SORCS2: variants seen among roughly 807,000 people sequenced by gnomAD.
SORCS2 encodes sortilin related VPS10 domain containing receptor 2, also known as VPS10 domain-containing receptor SorCS2.
A neutral mutation model predicts 141.6 loss-of-function variants in SORCS2; 100 were observed. The observed-to-expected ratio is 0.71, with a 90% confidence interval of 0.60 to 0.83. SORCS2 has a LOEUF of 0.83. Among genes scored for constraint, SORCS2 ranks in the 40% least tolerant of loss-of-function variants. The pLI is 0.00. For missense variants in SORCS2, 1,646 were observed against 1,560.2 expected (o/e 1.05, Z -0.93); for synonymous variants, 789 against 676.9 (o/e 1.17, Z -2.57).
At chr4:7,433,673 G>A (rs1199692180) in intron 2 of SORCS2, 3 of 1,610,026 alleles carry the variant, frequency 1.9e-6, no homozygotes, top group African/African-American at 1.3e-5. Context: ...GACACCGTGA[G>A]CAGCCTCTTG....
intron 1 of SORCS2, among the ~76,000 whole-genome samples, chr4:7,200,111 C>G (rs1043032004): frequency 6.6e-6 from 1 of 152,110 alleles, no homozygotes; most frequent in African/African-American, 2.4e-5. Flanking sequence ...CCTGATCCCC[C>G]CTCGCTGGAA....
chr4:7,505,872 G>A (rs1732247449), intron 2 of SORCS2, among the ~76,000 whole-genome samples: 1 of 152,230 alleles, frequency 6.6e-6, no homozygotes, highest in African/African-American at 2.4e-5. Flanking sequence ...TGAAGATTCA[G>A]TGGCAGTCGA....
intron 1 of SORCS2, among the ~76,000 whole-genome samples, chr4:7,372,193 G>A (rs981961424): frequency 7.2e-5 from 11 of 152,220 alleles, no homozygotes; most frequent in Admixed American, 2.0e-4. Context: ...TGTGAATCTG[G>A]TGTTTATAAG....
intron 1 of SORCS2, among the ~76,000 whole-genome samples, chr4:7,369,869 G>A (rs146196084): frequency 1.4e-4 from 21 of 152,276 alleles, no homozygotes; most frequent in South Asian, 8.3e-4. Flanking sequence ...ACCCACTTCC[G>A]GAGCTTTCGC....
chr4:7,450,452 T>A (rs1034787172), intron 2 of SORCS2, among the ~76,000 whole-genome samples: 8 of 152,326 alleles, frequency 5.3e-5, no homozygotes, highest in Admixed American at 1.3e-4. Context: ...CCCATCATCT[T>A]TGTGTCTGCT....
chr4:7,449,691 T>C (rs1385057067), intron 2 of SORCS2, among the ~76,000 whole-genome samples: 1 of 152,034 alleles, frequency 6.6e-6, no homozygotes. Context: ...CATCCTCCTC[T>C]TCCATGTTGG....
Position 7,654,344 on chromosome 4 carries a change from C to T in SORCS2, c.887+137C>T, listed in dbSNP as rs149708802. The T allele has an allele frequency of 2.3e-4, 191 of 824,160 alleles. 2 individuals are homozygous for T. In the East Asian group the frequency reaches 4.3e-3, roughly 19 times the overall value. 51.1% of individuals were successfully genotyped at this position (824,160 alleles called of 1,614,324 possible). ...CCCCATCCCGGGGCTGGGTCCCCACCGTCCACTGCCTCTGCCTGCAGCCCC... is the reference window on the plus strand; with the variant it reads ...CCCCATCCCGGGGCTGGGTCCCCACTGTCCACTGCCTCTGCCTGCAGCCCC... On this transcript the variant is annotated intron_variant, in intron 5 of 26. Coordinates refer to ENST00000507866, the MANE Select transcript of SORCS2 (RefSeq NM_020777.3).
At chr4:7,717,564 G>A (rs548397234) in intron 17 of SORCS2, among the ~76,000 whole-genome samples, 2 of 152,188 alleles carry the variant, frequency 1.3e-5, no homozygotes, top group Non-Finnish European at 2.9e-5. Flanking sequence ...GAGGAGGGGT[G>A]TGTGTGCCCA....
chr4:7,217,812 C>T (rs529302240), intron 1 of SORCS2, among the ~76,000 whole-genome samples: 2 of 152,314 alleles, frequency 1.3e-5, no homozygotes, highest in South Asian at 4.1e-4. Flanking sequence ...AAGCTCCGAC[C>T]TGTGGGAGCC....
chr4:7,340,487 T>C (rs529173669), intron 1 of SORCS2, among the ~76,000 whole-genome samples: 279 of 152,320 alleles, frequency 1.8e-3, no homozygotes, highest in African/African-American at 6.2e-3. Context: ...CCCTGGAAGG[T>C]GCCAGCTTCC....
At chr4:7,492,464 C>T (rs1439440809) in intron 2 of SORCS2, among the ~76,000 whole-genome samples, 2 of 152,244 alleles carry the variant, frequency 1.3e-5, no homozygotes, top group Non-Finnish European at 2.9e-5. Context: ...CAGGGTTCTT[C>T]ATGCATCATC....
At chr4:7,562,069 G>A (rs982790938) in intron 3 of SORCS2, among the ~76,000 whole-genome samples, 1 of 152,222 alleles carries the variant, frequency 6.6e-6, no homozygotes, top group African/African-American at 2.4e-5. Context: ...ACCCCATGGA[G>A]TTGACAACTT....
intron 1 of SORCS2, among the ~76,000 whole-genome samples, chr4:7,374,381 G>C (rs117505034): frequency 2.0e-5 from 3 of 152,056 alleles, no homozygotes; most frequent in Non-Finnish European, 2.9e-5. Flanking sequence ...AGCTGAGCTC[G>C]TACCAGCCCG....
In SORCS2 at chr4:7,192,576, C is replaced by A. The variant is rs956662104; in HGVS notation, c.-71C>A. 2.0e-6 allele frequency: 2 copies of A among 985,088 alleles called. No individual in the cohort carries two copies. The highest frequency in any genetic ancestry group is 2.4e-6 in the Non-Finnish European group (2 of 829,842). 61.0% of individuals were successfully genotyped at this position (985,088 alleles called of 1,614,324 possible). On this transcript the variant is annotated 5_prime_UTR_variant, in exon 1 of 27. Transcript: ENST00000507866. The surrounding 1 kb of genome is among the most constrained non-coding windows in gnomAD (Gnocchi z 4.0). ...TCTCGCTCGCGCTCCCCAGCGCCCTCCTGCTCTCCCGGCCGCGGTCCCCTC... is the reference window on the plus strand; with the variant it reads ...TCTCGCTCGCGCTCCCCAGCGCCCTACTGCTCTCCCGGCCGCGGTCCCCTC...
chr4:7,229,295 AC>A (rs1711650927), intron 1 of SORCS2, among the ~76,000 whole-genome samples: 1 of 148,376 alleles, frequency 6.7e-6, no homozygotes, highest in Admixed American at 6.8e-5. Flanking sequence ...CCATGCCATG[AC>A]CCCCTAAAGA....
chr4:7,716,427 G>A lies in SORCS2; in HGVS notation c.2252+1116G>A, dbSNP rs1012424092. 6.6e-5 allele frequency among the ~76,000 whole-genome samples: 10 copies of A among 152,026 alleles called. No individual in the cohort carries two copies. The South Asian group carries it at 1.7e-3, about 25-fold the overall frequency. ...TCTCCATCCATTCATTCATCCATAC[G>A]TCTTTCCATTCATCCTTCCATTCTC... is the stretch of plus-strand genomic sequence containing the variant. On this transcript the variant is annotated intron_variant, in intron 17 of 26. Transcript: ENST00000507866.
At chr4:7,617,226 C>T (rs1263222281) in intron 3 of SORCS2, among the ~76,000 whole-genome samples, 2 of 152,088 alleles carry the variant, frequency 1.3e-5, no homozygotes, top group African/African-American at 2.4e-5. Flanking sequence ...TCTATCCATC[C>T]ACCTACTCAC....
intron 2 of SORCS2, among the ~76,000 whole-genome samples, chr4:7,409,990 C>T (rs1293468990): frequency 6.6e-6 from 1 of 152,188 alleles, no homozygotes; most frequent in Non-Finnish European, 1.5e-5. Context: ...AGCAGTGAAG[C>T]CCAACAGCAA....
At chr4:7,740,154 G>C in intron 26 of SORCS2, 46 bp from the exon 27 acceptor site, 6 of 1,551,754 alleles carry the variant, frequency 3.9e-6, no homozygotes, top group Non-Finnish European at 5.3e-6. Flanking sequence ...CCTGTCTCCA[G>C]TCCCGGGCTT....
Sources: allele counts gnomAD v4.1 joint callset (sites outside exome capture counted in the v4.1 genomes callset), GRCh38; gene constraint gnomAD v4.1.1; non-coding constraint Gnocchi (gnomAD v3.1); transcripts MANE v1.5; gene names NCBI Gene and HGNC (gene_info 2026-07-23, HGNC 2026-07-21).